The following RICTOR variants were observed in gnomAD, a reference collection of about 807,000 sequenced individuals.
RICTOR encodes the protein RPTOR independent companion of MTOR complex 2.
A neutral mutation model predicts 214.9 loss-of-function variants in RICTOR; 49 were observed. The ratio of observed to expected loss-of-function variants is 0.23; its 90% CI spans 0.18 to 0.29. RICTOR has a LOEUF of 0.29. RICTOR is among the 10% of genes least tolerant of loss of function. The pLI, the probability that RICTOR is intolerant of heterozygous loss-of-function variation, is 1.00. For synonymous variants in RICTOR, 717 were observed against 711.3 expected, an observed-to-expected ratio of 1.01 and a Z score of -0.13; for missense variants, 1,625 against 2,047.0, an observed-to-expected ratio of 0.79 and a Z score of 3.98.
intron 17 of RICTOR, 82 bp from the exon 18 acceptor site, chr5:38,962,668 A>G: frequency 1.1e-6 from 1 of 872,548 alleles, no homozygotes; most frequent in South Asian, 1.9e-5. Context: ...TGAAAAAATG[A>G]AAGGCAGCTT....
chr5:38,969,560 AGGT>A (rs1750567551), intron 11 of RICTOR: 1 of 151,970 alleles, frequency 6.6e-6, no homozygotes, highest in South Asian at 2.1e-4. Context: ...GTCATGTCCT[AGGT>A]CTTAACATTC....
At chr5:39,059,343 G>A (rs777716433) in intron 2 of RICTOR, among the ~76,000 whole-genome samples, 1 of 152,092 alleles carries the variant, frequency 6.6e-6, no homozygotes, top group Admixed American at 6.6e-5. Context: ...TAGAGGTCAG[G>A]ATAGTGCCTT....
At chr5:38,974,514 T>C (rs1751048263) in intron 10 of RICTOR, among the ~76,000 whole-genome samples, 1 of 152,034 alleles carries the variant, frequency 6.6e-6, no homozygotes, top group Non-Finnish European at 1.5e-5. Context: ...GAATTAATTT[T>C]TTTGGTAAGA....
chr5:38,986,174 C>G (rs1038980204), intron 7 of RICTOR, among the ~76,000 whole-genome samples: 1 of 152,082 alleles, frequency 6.6e-6, no homozygotes, highest in African/African-American at 2.4e-5. Context: ...ATGCTGTTCT[C>G]GTGATAGTGA....
At chr5:39,048,821 C>T (rs375739701) in intron 2 of RICTOR, among the ~76,000 whole-genome samples, 42 of 152,174 alleles carry the variant, frequency 2.8e-4, no homozygotes, top group South Asian at 1.7e-3. Context: ...TAAGAGCAGG[C>T]CATGAGGACT....
intron 2 of RICTOR, among the ~76,000 whole-genome samples, chr5:39,070,420 G>A (rs1759230500): frequency 6.6e-6 from 1 of 152,042 alleles, no homozygotes; most frequent in African/African-American, 2.4e-5. Context: ...AGTGAGCCGA[G>A]ATTGCGCCAC....
intron 2 of RICTOR, among the ~76,000 whole-genome samples, chr5:39,065,705 AG>A (rs1160842806): frequency 6.6e-6 from 1 of 152,260 alleles, no homozygotes. Context: ...ACCAAAAGAA[AG>A]GGGCTACAGG....
At chr5:39,067,751 T>A (rs758128062) in intron 2 of RICTOR, among the ~76,000 whole-genome samples, 3 of 152,226 alleles carry the variant, frequency 2.0e-5, no homozygotes, top group East Asian at 3.8e-4. Context: ...CTGAACTCAT[T>A]ATCATCCTTC....
In RICTOR at chr5:39,012,425, C is replaced by T. The variant is rs574138102; in HGVS notation, c.195+8614G>A. Among the ~76,000 whole-genome samples the T allele has an allele frequency of 5.3e-5, 8 of 152,160 alleles. No individual in the cohort carries two copies. The South Asian group carries it at 1.7e-3, about 32-fold the overall frequency. Reference sequence around the variant, plus strand: ...CTTTCCTTTATAAATTACCCAGTCTCGGGCAGTTCTTTGCAGCAGTATGAG... The same window carrying T: ...CTTTCCTTTATAAATTACCCAGTCTTGGGCAGTTCTTTGCAGCAGTATGAG... On this transcript the variant is annotated intron_variant, in intron 3 of 37. Transcript: ENST00000357387.
At chr5:39,006,467 G>T (rs1754060152) in intron 3 of RICTOR, among the ~76,000 whole-genome samples, 1 of 151,894 alleles carries the variant, frequency 6.6e-6, no homozygotes, top group African/African-American at 2.4e-5. Flanking sequence ...TAACACTGAA[G>T]ACCAAGAAGG....
At chr5:39,049,784 A>G (rs894735609) in intron 2 of RICTOR, among the ~76,000 whole-genome samples, 11 of 152,230 alleles carry the variant, frequency 7.2e-5, no homozygotes, top group African/African-American at 2.4e-4. Flanking sequence ...AAACACTGCT[A>G]GCAGAAGAAT....
At chr5:38,972,068 T>TA in intron 10 of RICTOR, 109 bp from the exon 11 acceptor site, 2 of 578,706 alleles carry the variant, frequency 3.5e-6, no homozygotes, top group Non-Finnish European at 6.1e-6. Context: ...AATTATATGA[T>TA]TATGATACTA....
At position 38,942,161 on chromosome 5, in the gene RICTOR, G is replaced by T; in HGVS notation, c.*143C>A. 2.2e-6 allele frequency: 1 copy of T among 463,598 alleles called. No individual in the cohort carries two copies. The highest frequency in any genetic ancestry group is 3.9e-6 in the Non-Finnish European group (1 of 253,468). The allele number at this position is 463,598 out of a possible 1,614,324, so 28.7% of individuals were successfully genotyped here. A position where few individuals can be genotyped will look rare whatever the true frequency, so the allele number is the denominator to read the frequency against. On this transcript the variant is annotated 3_prime_UTR_variant, in exon 38 of 38. Coordinates refer to ENST00000357387, the MANE Select transcript of RICTOR (RefSeq NM_152756.5). ...GTTAGGAAAGTCAGCAGTTCCAACT[G>T]TTCATGTACCAGTAACTGCGGAACA... is the stretch of plus-strand genomic sequence containing the variant.
intron 2 of RICTOR, among the ~76,000 whole-genome samples, chr5:39,028,755 G>A (rs1229728515): frequency 6.6e-6 from 1 of 152,072 alleles, no homozygotes; most frequent in Non-Finnish European, 1.5e-5. Context: ...GAACAGAGCT[G>A]TGTGCAGTGG....
intron 11 of RICTOR, among the ~76,000 whole-genome samples, chr5:38,968,679 A>C (rs1351314505): frequency 6.6e-6 from 1 of 151,600 alleles, no homozygotes; most frequent in African/African-American, 2.4e-5. Context: ...TCGAGGATGC[A>C]GTGAGCTATG....
chr5:39,011,474 G>A (rs1754516201), intron 3 of RICTOR, among the ~76,000 whole-genome samples: 1 of 152,154 alleles, frequency 6.6e-6, no homozygotes, highest in African/African-American at 2.4e-5. Context: ...GTGAGAAGAG[G>A]GCCACTATCC....
intron 9 of RICTOR, among the ~76,000 whole-genome samples, chr5:38,976,997 C>T (rs1311601224): frequency 2.0e-5 from 3 of 152,192 alleles, no homozygotes; most frequent in Middle Eastern, 3.2e-3. Flanking sequence ...AAAGAGTATA[C>T]AGCATATAGC....
In RICTOR at chr5:38,958,692, A is replaced by G. The variant is rs1295158488; in HGVS notation, c.2318T>C (p.Ile773Thr). 1.2e-6 allele frequency: 2 copies of G among 1,608,136 alleles called. No individual in the cohort carries two copies. The highest frequency in any genetic ancestry group is 1.7e-6 in the Non-Finnish European group (2 of 1,177,950). Residue 773 changes from isoleucine (I) to threonine (T), a missense_variant, in exon 23 of 38, where the codon ATC becomes ACC. By Grantham distance (89) the Ile-to-Thr change is moderately conservative. Coordinates refer to ENST00000357387, the MANE Select transcript of RICTOR (RefSeq NM_152756.5). ...CTTGTCTTCACATGCTTCATCGAGG[A>G]TATCAAGAGCTTCAGAGGAAATCGT... is the stretch of plus-strand genomic sequence containing the variant. ...NKTISSEALD[I>T]LDEACEDKAN...
intron 2 of RICTOR, among the ~76,000 whole-genome samples, chr5:39,046,376 T>TAA (rs529193857): frequency 7.9e-6 from 1 of 127,148 alleles, no homozygotes; most frequent in Non-Finnish European, 1.7e-5. Context: ...AAAACAAAAT[T>TAA]AAAAAAAAAA....
Sources: allele counts gnomAD v4.1 joint callset (sites outside exome capture counted in the v4.1 genomes callset), GRCh38; gene constraint gnomAD v4.1.1; transcripts MANE v1.5; gene names NCBI Gene and HGNC (gene_info 2026-07-23, HGNC 2026-07-21).